SLC23A2: variants seen among roughly 807,000 people sequenced by gnomAD.
SLC23A2 encodes Na(+)/L-ascorbic acid transporter 2.
Under a neutral mutation model 73.3 loss-of-function variants are expected in SLC23A2, and 36 were observed. The ratio of observed to expected loss-of-function variants is 0.49; its 90% CI spans 0.38 to 0.65. The LOEUF (loss-of-function observed/expected upper bound fraction) is 0.65. Among genes scored for constraint, SLC23A2 ranks in the 30% least tolerant of loss-of-function variants. SLC23A2 has a pLI of 0.00. For synonymous variants in SLC23A2, 343 were observed against 327.3 expected (o/e 1.05, Z -0.52); for missense variants, 507 against 841.6 (o/e 0.60, Z 4.92).
intron 1 of SLC23A2, among the ~76,000 whole-genome samples, chr20:4,971,322 ACAC>A: frequency 6.6e-6 from 1 of 150,386 alleles, no homozygotes; most frequent in South Asian, 2.1e-4. Flanking sequence ...ACACACACAC[ACAC>A]ACACACACAA....
intron 2 of SLC23A2, among the ~76,000 whole-genome samples, chr20:4,967,686 T>C (rs138752084): frequency 1.5e-4 from 23 of 152,338 alleles, no homozygotes; most frequent in African/African-American, 5.3e-4. Flanking sequence ...TCCCGATACA[T>C]AGGCCTCTTG....
At chr20:4,912,790 G>T in intron 4 of SLC23A2, 90 bp downstream of exon 4, 1 of 827,400 alleles carries the variant, frequency 1.2e-6, no homozygotes, top group Non-Finnish European at 2.1e-6. Context: ...ACATGCAAGT[G>T]TCTGAAAGGG....
chr20:4,883,591 T>TC lies in SLC23A2; in HGVS notation c.824+50dup. The TC allele has an allele frequency of 3.1e-6, 4 of 1,309,628 alleles. No homozygotes were observed. The allele number at this position is 1,309,628 out of a possible 1,614,324, so 81.1% of individuals were successfully genotyped here. A position where few individuals can be genotyped will look rare whatever the true frequency, so the allele number is the denominator to read the frequency against. ...TATCTCCTGAAGTCTGTGTGAATGT[T>TC]CCTAAAGGCTGCCCCGCAGTGGTGG... On this transcript the variant is annotated intron_variant, in intron 9 of 16. Transcript: ENST00000338244. The surrounding 1 kb of genome is among the most constrained non-coding windows in gnomAD (Gnocchi z 4.5).
At chr20:4,951,721 AAT>A (rs1373671890) in intron 2 of SLC23A2, among the ~76,000 whole-genome samples, 20 of 152,164 alleles carry the variant, frequency 1.3e-4, no homozygotes, top group Admixed American at 1.3e-3. Context: ...CAGCTTTGTG[AAT>A]AACAGTATAC....
At chr20:4,965,546 C>A (rs1253570785) in intron 2 of SLC23A2, among the ~76,000 whole-genome samples, 1 of 152,074 alleles carries the variant, frequency 6.6e-6, no homozygotes, top group Admixed American at 6.6e-5. Context: ...CCAAGGCAGG[C>A]GTATCACTTG....
intron 9 of SLC23A2, among the ~76,000 whole-genome samples, chr20:4,878,144 G>A (rs999999111): frequency 5.9e-5 from 9 of 152,094 alleles, no homozygotes; most frequent in South Asian, 2.1e-4. Flanking sequence ...AACTCTTTAC[G>A]AGTTAGGGAT....
At chr20:4,971,648 G>T (rs187777103) in intron 1 of SLC23A2, among the ~76,000 whole-genome samples, 1,804 of 150,626 alleles carry the variant, frequency 0.012, 31 homozygotes, top group East Asian at 0.049. Context: ...TTATCTCGTC[G>T]TGGTGGCACA....
chr20:4,918,427 T>C (rs942737074), intron 3 of SLC23A2, among the ~76,000 whole-genome samples: 3 of 152,204 alleles, frequency 2.0e-5, no homozygotes, highest in Admixed American at 1.3e-4. Flanking sequence ...TGCAATTGCA[T>C]TTGCATTGTA....
At chr20:4,869,293 C>T (rs1006422324) in intron 12 of SLC23A2, among the ~76,000 whole-genome samples, 6 of 148,154 alleles carry the variant, frequency 4.0e-5, no homozygotes, top group Admixed American at 1.4e-4. Context: ...CTGGGCAACA[C>T]GGTGAGACCC....
At chr20:5,003,302 T>G (rs894724169), upstream of SLC23A2, among the ~76,000 whole-genome samples, 4 of 152,056 alleles carry the variant, frequency 2.6e-5, no homozygotes, top group Admixed American at 2.6e-4. Context: ...GAGAATGGCG[T>G]GAACCCGGGA....
chr20:4,990,512 C>T (rs899022109), intron 1 of SLC23A2, among the ~76,000 whole-genome samples: 2 of 151,656 alleles, frequency 1.3e-5, no homozygotes, highest in Non-Finnish European at 2.9e-5. Context: ...GCAGGGACTA[C>T]AGGCATGCAC....
At chr20:4,964,638 A>C (rs2087445007) in intron 2 of SLC23A2, among the ~76,000 whole-genome samples, 1 of 152,130 alleles carries the variant, frequency 6.6e-6, no homozygotes, top group Admixed American at 6.6e-5. Flanking sequence ...AAACCTGATA[A>C]TCCCATTTCA....
chr20:4,934,679 C>T (rs554514103), intron 2 of SLC23A2, among the ~76,000 whole-genome samples: 47 of 151,364 alleles, frequency 3.1e-4, no homozygotes, highest in African/African-American at 1.1e-3. Context: ...CTGGCCAGCA[C>T]GGTGAAACCC....
At chr20:4,980,558 G>T (rs1233613994) in intron 1 of SLC23A2, among the ~76,000 whole-genome samples, 1 of 150,922 alleles carries the variant, frequency 6.6e-6, no homozygotes, top group Non-Finnish European at 1.5e-5. Context: ...TTGAGACGGG[G>T]TCTCATTCTG....
intron 1 of SLC23A2, among the ~76,000 whole-genome samples, chr20:4,984,910 G>A (rs184607182): frequency 5.3e-5 from 8 of 152,196 alleles, no homozygotes; most frequent in Admixed American, 3.9e-4. Context: ...AGGCCAATGC[G>A]GGCGGATCAT....
At chr20:4,955,356 A>AACACACACAC (rs71197734) in intron 2 of SLC23A2, among the ~76,000 whole-genome samples, 5 of 144,720 alleles carry the variant, frequency 3.5e-5, no homozygotes, top group Non-Finnish European at 4.6e-5. Context: ...AATGAGTTAA[A>AACACACACAC]ACACACACAC....
chr20:4,989,236 CA>C (rs138535169), intron 1 of SLC23A2, among the ~76,000 whole-genome samples: 161 of 72,836 alleles, frequency 2.2e-3, no homozygotes, highest in Admixed American at 2.1e-3. Flanking sequence ...GACCCCGTCT[CA>C]AAAAAAAAAA....
At position 4,883,793 on chromosome 20, in the gene SLC23A2, T is replaced by C. The variant is rs1600098109; in HGVS notation, c.673A>G (p.Ile225Val). Residue 225 changes from isoleucine to valine, a missense_variant, in exon 9 of 17, where the codon ATA (isoleucine) becomes GTA (valine). Ile to Val is a conservative substitution (Grantham distance 29). Transcript: ENST00000338244. The surrounding 1 kb of genome is among the most constrained non-coding windows in gnomAD (Gnocchi z 4.5). ...CCGAGGAGGCCGATGACTACTTCTATCAGTGAGGACATGATGATGGCCCCC... is the reference window on the plus strand; with the variant it reads ...CCGAGGAGGCCGATGACTACTTCTACCAGTGAGGACATGATGATGGCCCCC... ...IQGAIIMSSL[I>V]EVVIGLLGLP... The C allele has an allele frequency of 6.2e-7, 1 of 1,613,080 alleles. No individual in the cohort carries two copies. Among genetic ancestry groups the C allele is most frequent in the East Asian group, 2.2e-5 (1 of 44,788 alleles).
chr20:4,865,219 G>A (rs1930142997), intron 13 of SLC23A2, among the ~76,000 whole-genome samples: 1 of 152,198 alleles, frequency 6.6e-6, no homozygotes, highest in South Asian at 2.1e-4. Context: ...GTCTTCAACG[G>A]TGGTGCAGAA....
Sources: allele counts gnomAD v4.1 joint callset (sites outside exome capture counted in the v4.1 genomes callset), GRCh38; gene constraint gnomAD v4.1.1; non-coding constraint Gnocchi (gnomAD v3.1); transcripts MANE v1.5; gene names NCBI Gene and HGNC (gene_info 2026-07-23, HGNC 2026-07-21).